The following INSYN2B variants were observed in gnomAD, a reference collection of about 807,000 sequenced individuals.
INSYN2B encodes inhibitory synaptic factor family member 2B.
In INSYN2B, 16 loss-of-function variants were observed where a neutral mutation model predicts 41.2. The ratio of observed to expected loss-of-function variants is 0.39; its 90% CI spans 0.26 to 0.59. INSYN2B has a LOEUF of 0.59. INSYN2B is among the 20% of genes least tolerant of loss of function. The probability of loss-of-function intolerance (pLI) is 0.57; values close to 1 mark genes in which losing one functional copy is unlikely to be tolerated. For synonymous variants in INSYN2B, 245 were observed against 244.4 expected, an observed-to-expected ratio of 1.00 and a Z score of -0.02; for missense variants, 608 against 646.4, an observed-to-expected ratio of 0.94 and a Z score of 0.64.
intron 1 of INSYN2B, among the ~76,000 whole-genome samples, chr5:169,904,091 C>CAAAAAA (rs57983281): frequency 1.4e-5 from 1 of 70,370 alleles, no homozygotes; most frequent in Admixed American, 1.7e-4. Context: ...GACTTCGTCT[C>CAAAAAA]AAAAAAAAAA....
chr5:169,952,786 C>T lies in INSYN2B; in HGVS notation c.-919+27491G>A, dbSNP rs371235479. 1.8e-3 allele frequency among the ~76,000 whole-genome samples: 277 copies of T among 152,190 alleles called. 6 individuals are homozygous for T. In the South Asian group the frequency reaches 0.048, roughly 26 times the overall value. ...TTTGATGCCGTTTCAATCCAGGGTA[C>T]AGAGTTGCCACATGGAGAGTGAAGC... On this transcript the variant is annotated intron_variant, in intron 1 of 3. Transcript: ENST00000377365.
intron 1 of INSYN2B, among the ~76,000 whole-genome samples, chr5:169,941,047 A>AG (rs1236050585): frequency 2.6e-5 from 4 of 152,214 alleles, no homozygotes; most frequent in Non-Finnish European, 5.9e-5. Flanking sequence ...AGTGTGCTTC[A>AG]GTGGGGTAGG....
At chr5:169,947,215 C>T (rs188154846) in intron 1 of INSYN2B, among the ~76,000 whole-genome samples, 9 of 152,358 alleles carry the variant, frequency 5.9e-5, no homozygotes, top group Admixed American at 2.0e-4. Context: ...ATAGGGGAAG[C>T]TGTACTCTTA....
At chr5:169,974,222 A>C (rs1034344727) in intron 1 of INSYN2B, among the ~76,000 whole-genome samples, 2 of 152,208 alleles carry the variant, frequency 1.3e-5, no homozygotes, top group African/African-American at 4.8e-5. Context: ...ACCAACATCT[A>C]CTGAAAGTTT....
At position 169,883,711 on chromosome 5, in the gene INSYN2B, G is replaced by C. The variant is rs556297294; in HGVS notation, c.188C>G (p.Ala63Gly). The C allele has an allele frequency of 2.3e-5, 36 of 1,551,418 alleles. No individual in the cohort carries two copies. The highest frequency in any genetic ancestry group is 3.1e-5 in the Non-Finnish European group (36 of 1,146,914). Residue 63 changes from alanine (A) to glycine (G), a missense_variant, in exon 2 of 4, where the codon GCT becomes GGT. Ala to Gly is a moderately conservative substitution (Grantham distance 60, BLOSUM62 0). Coordinates refer to ENST00000377365, the MANE Select transcript of INSYN2B (RefSeq NM_001129891.3). Reference protein sequence around the residue: ...EVDVQTPEDPAVMGKTQATRH... With the variant: ...EVDVQTPEDPGVMGKTQATRH... ...GGTTGCTTGAGTCTTCCCCATCACA[G>C]CCGGGTCTTCTGGAGTTTGGACGTC...
intron 3 of INSYN2B, among the ~76,000 whole-genome samples, chr5:169,880,035 T>C (rs1772546496): frequency 6.6e-6 from 1 of 152,198 alleles, no homozygotes; most frequent in Admixed American, 6.5e-5. Flanking sequence ...TTTTGTCCCT[T>C]CTAATGATTA....
chr5:169,961,153 C>T (rs1777071068), intron 1 of INSYN2B, among the ~76,000 whole-genome samples: 1 of 152,182 alleles, frequency 6.6e-6, no homozygotes, highest in South Asian at 2.1e-4. Context: ...AGTCATATGT[C>T]CTACAATTGT....
intron 1 of INSYN2B, among the ~76,000 whole-genome samples, chr5:169,979,875 C>A (rs920415996): frequency 5.3e-5 from 8 of 152,070 alleles, no homozygotes; most frequent in African/African-American, 1.9e-4. Flanking sequence ...CATAAAACAG[C>A]CACTCTCTCT....
chr5:169,868,579 C>A (rs748676417), intron 3 of INSYN2B, among the ~76,000 whole-genome samples: 2 of 152,016 alleles, frequency 1.3e-5, no homozygotes, highest in African/African-American at 4.8e-5. Flanking sequence ...GGCAACATAG[C>A]GAGACACCAT....
At chr5:169,909,555 T>G (rs1774476596) in intron 1 of INSYN2B, among the ~76,000 whole-genome samples, 2 of 152,302 alleles carry the variant, frequency 1.3e-5, no homozygotes, top group African/African-American at 4.8e-5. Flanking sequence ...GCAAGGTGAG[T>G]ATTATTATCT....
intron 1 of INSYN2B, among the ~76,000 whole-genome samples, chr5:169,927,978 G>C (rs1775556164): frequency 6.6e-6 from 1 of 152,112 alleles, no homozygotes; most frequent in Non-Finnish European, 1.5e-5. Flanking sequence ...TCTTCCTTGG[G>C]TTTCAGTAGG....
intron 1 of INSYN2B, among the ~76,000 whole-genome samples, chr5:169,885,738 C>G (rs1406415524): frequency 6.6e-6 from 1 of 152,212 alleles, no homozygotes; most frequent in Non-Finnish European, 1.5e-5. Context: ...TCATTAATCA[C>G]AAACTACTCT....
chr5:169,876,582 G>T lies in INSYN2B; in HGVS notation c.1421+4786C>A, dbSNP rs377212473. On this transcript the variant is annotated intron_variant, in intron 3 of 3. Coordinates refer to ENST00000377365, the MANE Select transcript of INSYN2B (RefSeq NM_001129891.3). ...AAGGGTTTCAATGTCCTATGAAAGT[G>T]CAGCAAGCTCTCTGAGTCATCAAAG... 1.3e-3 allele frequency among the ~76,000 whole-genome samples: 199 copies of T among 152,322 alleles called. 5 individuals are homozygous for T. The South Asian group carries it at 0.039, about 30-fold the overall frequency.
intron 1 of INSYN2B, among the ~76,000 whole-genome samples, chr5:169,957,409 A>G (rs899769751): frequency 5.3e-5 from 8 of 152,226 alleles, no homozygotes; most frequent in African/African-American, 1.4e-4. Context: ...TAGGCACTCA[A>G]CCAATGTTAG....
rs949927889 is a variant in INSYN2B at position 169,946,265 on chromosome 5, G to A, written c.-919+34012C>T. 2.6e-5 allele frequency among the ~76,000 whole-genome samples: 4 copies of A among 152,290 alleles called. No individual in the cohort carries two copies. In the South Asian group the frequency reaches 8.3e-4, roughly 32 times the overall value. On this transcript the variant is annotated intron_variant, in intron 1 of 3. Coordinates refer to ENST00000377365, the MANE Select transcript of INSYN2B (RefSeq NM_001129891.3). ...CCACAGTGAAGAAAGCAGTGTTCCAGCCCCCCACATCCAGCCCAGCCAGGG... is the reference window on the plus strand; with the variant it reads ...CCACAGTGAAGAAAGCAGTGTTCCAACCCCCCACATCCAGCCCAGCCAGGG...
chr5:169,978,912 G>A (rs1242765322), intron 1 of INSYN2B, among the ~76,000 whole-genome samples: 2 of 152,072 alleles, frequency 1.3e-5, no homozygotes, highest in African/African-American at 2.4e-5. Flanking sequence ...CATCCCAATC[G>A]GAGCGAGGTG....
chr5:169,906,333 G>A (rs1774277058), intron 1 of INSYN2B, among the ~76,000 whole-genome samples: 1 of 152,176 alleles, frequency 6.6e-6, no homozygotes, highest in Non-Finnish European at 1.5e-5. Flanking sequence ...GCCAGTGTGT[G>A]CACATGGCCA....
chr5:169,958,742 C>T (rs1447228798), intron 1 of INSYN2B, among the ~76,000 whole-genome samples: 1 of 152,102 alleles, frequency 6.6e-6, no homozygotes, highest in Non-Finnish European at 1.5e-5. Context: ...CAATGCCCAG[C>T]AATAGAGGGC....
chr5:169,907,117 C>T (rs1026888411), intron 1 of INSYN2B, among the ~76,000 whole-genome samples: 11 of 152,114 alleles, frequency 7.2e-5, no homozygotes, highest in Non-Finnish European at 8.8e-5. Flanking sequence ...TGAAATCAAT[C>T]GAAAGATATG....
Sources: allele counts gnomAD v4.1 joint callset (sites outside exome capture counted in the v4.1 genomes callset), GRCh38; gene constraint gnomAD v4.1.1; transcripts MANE v1.5; gene names NCBI Gene and HGNC (gene_info 2026-07-23, HGNC 2026-07-21).